CCDC57: variants seen among roughly 807,000 people sequenced by gnomAD.
CCDC57 encodes coiled-coil domain containing 57, also known as coiled-coil domain-containing protein 57.
A neutral mutation model predicts 118.9 loss-of-function variants in CCDC57; 118 were observed. The ratio of observed to expected loss-of-function variants is 0.99; its 90% CI spans 0.86 to 1.16. CCDC57 has a LOEUF of 1.16. CCDC57 is among the 50% of genes most tolerant of loss of function. The pLI is 0.00. For missense variants in CCDC57, 1,300 were observed against 1,320.7 expected, an observed-to-expected ratio of 0.98 and a Z score of 0.24; for synonymous variants, 527 against 532.9, an observed-to-expected ratio of 0.99 and a Z score of 0.15.
rs530579676 is a variant in CCDC57 at position 82,183,703 on chromosome 17, A to G, written c.1211+71T>C. 1.8e-3 allele frequency: 2,571 copies of G among 1,410,422 alleles called. 3 individuals carry two copies. The highest frequency in any genetic ancestry group is 2.2e-3 in the Non-Finnish European group (2,346 of 1,043,320). 87.4% of individuals were successfully genotyped at this position (1,410,422 alleles called of 1,614,324 possible). A position where few individuals can be genotyped will look rare whatever the true frequency, so the allele number is the denominator to read the frequency against. ...AGGGACTCAATCTGTTCAGTTTTGA[A>G]TCCTTAGTACCTACAACAGCACCTG... On this transcript the variant is annotated intron_variant, in intron 9 of 19. Coordinates refer to ENST00000665763, the Ensembl canonical transcript of CCDC57.
At chr17:82,156,158 T>G (rs994249918) in intron 15 of CCDC57, 1 of 151,910 alleles carries the variant, frequency 6.6e-6, no homozygotes, top group Non-Finnish European at 1.5e-5. Context: ...TGGCCGGGCG[T>G]GGTGCACCTG....
rs1404956580 is a variant in CCDC57 at position 82,212,629 on chromosome 17, C to T, written c.-211+156G>A. Among the ~76,000 whole-genome samples, 1 of 152,032 alleles carries T rather than the reference C, an allele frequency of 6.6e-6. No homozygotes were observed. The highest frequency in any genetic ancestry group is 1.5e-5 in the Non-Finnish European group (1 of 67,964). ...CCGCGAGGGGATCCCCGGTCCGGGC[C>T]TGGCCGAGCTCTGAGGGTCGACCTC... On this transcript the variant is annotated intron_variant, in intron 1 of 19. Transcript: ENST00000665763. The surrounding 1 kb of genome is among the most constrained non-coding windows in gnomAD (Gnocchi z 4.1).
chr17:82,181,296 G>C (rs76851926), intron 9 of CCDC57, among the ~76,000 whole-genome samples: 2 of 152,268 alleles, frequency 1.3e-5, no homozygotes, highest in South Asian at 2.1e-4. Context: ...CCCAGAGCTC[G>C]TCAGGGCGGC....
At chr17:82,104,510 G>A (rs573704787) in intron 19 of CCDC57, among the ~76,000 whole-genome samples, 9 of 152,272 alleles carry the variant, frequency 5.9e-5, no homozygotes, top group East Asian at 5.8e-4. Flanking sequence ...CCCCTCAGGC[G>A]GCTGCACCAT....
At position 82,190,864 on chromosome 17, in the gene CCDC57, A is replaced by G. The variant is rs538181254; in HGVS notation, c.852-2445T>C. 5.3e-5 allele frequency among the ~76,000 whole-genome samples: 8 copies of G among 151,572 alleles called. 1 individual carries two copies. In the South Asian group the frequency reaches 1.7e-3, roughly 32 times the overall value. On this transcript the variant is annotated intron_variant, in intron 7 of 19. Transcript: ENST00000665763. ...ATATGGACCTTAAGGCTCACTACAC[A>G]TGGCGCTCTTTGGAAAGGATGTCAA...
chr17:82,170,150 G>A (rs985628479), intron 13 of CCDC57, among the ~76,000 whole-genome samples: 8 of 152,116 alleles, frequency 5.3e-5, no homozygotes, highest in Non-Finnish European at 8.8e-5. Context: ...TGGAGACAGC[G>A]CCTCTGAGGA....
Position 82,198,373 on chromosome 17 carries a change from T to A in CCDC57, c.457A>T (p.Lys153Ter). The stretch of plus-strand genomic sequence containing the variant: ...TCAAGTTTTCTCTCCAGTGTCCATT[T>A]TAGATTTTCATACTGTTCCCGGTGG... The change falls in exon 4 of 20, where the codon AAA becomes TAA. Residue 153 changes from lysine (K) to a stop codon, truncating the protein, a stop_gained. Coordinates refer to ENST00000665763, the Ensembl canonical transcript of CCDC57. LOFTEE classifies it high-confidence loss of function. The A allele has an allele frequency of 6.2e-7, 1 of 1,613,746 alleles. No individual in the cohort carries two copies. Among genetic ancestry groups the A allele is most frequent in the Non-Finnish European group, 8.5e-7 (1 of 1,179,774 alleles).
exon 15 of CCDC57, chr17:82,157,766 G>T (rs1165439965): frequency 6.2e-7 from 1 of 1,600,472 alleles, no homozygotes; most frequent in East Asian, 2.3e-5. Flanking sequence ...CAAGGGCCAC[G>T]GCGTCCGAGG....
chr17:82,184,036 C>CACACACACACAT, intron 8 of CCDC57, 104 bp from the exon 8 acceptor site: 1 of 351,282 alleles, frequency 2.8e-6, no homozygotes, highest in Non-Finnish European at 5.4e-6. Context: ...CGCGCGCACA[C>CACACACACACAT]ACACACACAC....
chr17:82,204,312 G>A (rs750873041), intron 2 of CCDC57, among the ~76,000 whole-genome samples: 44 of 152,110 alleles, frequency 2.9e-4, no homozygotes, highest in Non-Finnish European at 5.3e-4. Context: ...CCTGTTCCTC[G>A]TCTCCCTCAG....
chr17:82,200,174 T>C (rs2048826080), intron 3 of CCDC57, among the ~76,000 whole-genome samples: 1 of 152,214 alleles, frequency 6.6e-6, no homozygotes, highest in Non-Finnish European at 1.5e-5. Flanking sequence ...GTGGTCCTGT[T>C]GGCCCGTTCA....
chr17:82,147,232 G>GGATGAATGGATA (rs2040874765), intron 16 of CCDC57, among the ~76,000 whole-genome samples: 1 of 143,940 alleles, frequency 6.9e-6, no homozygotes, highest in Admixed American at 7.0e-5. Context: ...GTGGATGGAT[G>GGATGAATGGATA]GATGGATGAA....
intron 2 of CCDC57, among the ~76,000 whole-genome samples, chr17:82,204,016 G>A (rs2049297753): frequency 1.3e-5 from 2 of 152,194 alleles, no homozygotes; most frequent in Non-Finnish European, 2.9e-5. Flanking sequence ...GTAAGGGGCT[G>A]CAAGACCCGT....
intron 16 of CCDC57, among the ~76,000 whole-genome samples, chr17:82,141,194 T>G (rs1332514283): frequency 1.9e-5 from 2 of 108,098 alleles, no homozygotes; most frequent in Admixed American, 1.0e-4. Flanking sequence ...TTTTTTTTTT[T>G]TTTTTGTGAG....
intron 19 of CCDC57, among the ~76,000 whole-genome samples, chr17:82,125,789 T>A (rs1283577716): frequency 1.3e-5 from 2 of 152,018 alleles, no homozygotes; most frequent in African/African-American, 4.8e-5. Context: ...GCCAGACATG[T>A]AAAAGGACCA....
rs993219821 is a variant in CCDC57, at chr17:82,192,635, G to A, written c.851+1121C>T. 6.6e-6 allele frequency among the ~76,000 whole-genome samples: 1 copy of A among 152,158 alleles called. No homozygotes were observed. Among genetic ancestry groups the A allele is most frequent in the Admixed American group, 6.5e-5 (1 of 15,272 alleles). Reference sequence around the variant, plus strand: ...ATCTGCACTGTGTCTGTTTGGGCTCGACTGCCTCGGTTTCCTCATCTAGGT... The same window carrying A: ...ATCTGCACTGTGTCTGTTTGGGCTCAACTGCCTCGGTTTCCTCATCTAGGT... On this transcript the variant is annotated intron_variant, in intron 7 of 19. Coordinates refer to ENST00000665763, the Ensembl canonical transcript of CCDC57. This position sits in a 1 kb window ranked among gnomAD's most constrained non-coding sequence, Gnocchi z 4.0.
At chr17:82,109,620 G>A (rs1202436395) in intron 19 of CCDC57, among the ~76,000 whole-genome samples, 1 of 152,170 alleles carries the variant, frequency 6.6e-6, no homozygotes, top group Non-Finnish European at 1.5e-5. Context: ...CACTTTGGGA[G>A]GCTGAGGCAG....
chr17:82,138,879 A>C (rs1484702512), intron 16 of CCDC57, among the ~76,000 whole-genome samples: 1 of 152,176 alleles, frequency 6.6e-6, no homozygotes, highest in Non-Finnish European at 1.5e-5. Context: ...AGCAGGCATA[A>C]ACCCCGTCAC....
chr17:82,157,853 C>G (rs373713185), exon 15 of CCDC57: 3 of 1,593,314 alleles, frequency 1.9e-6, no homozygotes, highest in African/African-American at 2.7e-5. Context: ...GCTCAGCCAC[C>G]TGCTTCCGCA....
Sources: gnomAD v4.1 joint callset for allele counts (sites outside exome capture counted in the v4.1 genomes callset) on GRCh38, gnomAD v4.1.1 for gene constraint, Gnocchi (gnomAD v3.1) non-coding constraint, MANE v1.5 for transcripts, NCBI Gene and HGNC (gene_info 2026-07-23, HGNC 2026-07-21) for gene names.